The following TCF7L2 variants were observed in gnomAD, a reference collection of about 807,000 sequenced individuals.
TCF7L2 encodes the protein transcription factor 7 like 2.
Under a neutral mutation model 77.9 loss-of-function variants are expected in TCF7L2, and 23 were observed. That is an observed-to-expected ratio of 0.30 (90% CI 0.21 to 0.42). The LOEUF is 0.42. Among genes scored for constraint, TCF7L2 ranks in the 10% least tolerant of loss-of-function variants. TCF7L2 has a pLI of 1.00. For missense variants in TCF7L2, 654 were observed against 793.1 expected (o/e 0.82, Z 2.11); for synonymous variants, 413 against 340.2 (o/e 1.21, Z -2.36).
chr10:112,995,202 G>A lies in TCF7L2; in HGVS notation c.450+30578G>A, dbSNP rs922241337. Among the ~76,000 whole-genome samples, 5 of 152,326 alleles carry A rather than the reference G, an allele frequency of 3.3e-5. No homozygotes were observed. In the East Asian group the frequency reaches 9.6e-4, roughly 29 times the overall value. ...GTAGAGATGGGAACCCAGGCCTCGG[G>A]CCAGTGAGTGGAAGGAAACTTTGGG... On this transcript the variant is annotated intron_variant, in intron 4 of 13. Coordinates refer to ENST00000627217, the MANE Select transcript of TCF7L2 (RefSeq NM_001146274.2).
At chr10:113,074,577 A>C (rs1397686067) in intron 5 of TCF7L2, among the ~76,000 whole-genome samples, 1 of 152,200 alleles carries the variant, frequency 6.6e-6, no homozygotes, top group African/African-American at 2.4e-5. Context: ...CTGCACACTC[A>C]TCACTGCGGG....
At chr10:113,075,285 C>G (rs2058562433) in intron 5 of TCF7L2, among the ~76,000 whole-genome samples, 1 of 151,980 alleles carries the variant, frequency 6.6e-6, no homozygotes, top group East Asian at 1.9e-4. Context: ...ATGGTGAAAC[C>G]CTATCTCTAC....
intron 5 of TCF7L2, among the ~76,000 whole-genome samples, chr10:113,055,890 A>T (rs535169101): frequency 2.0e-5 from 3 of 152,268 alleles, no homozygotes; most frequent in Admixed American, 1.3e-4. Context: ...TTGAGTGGAC[A>T]TCTGCTCTCT....
At chr10:113,160,210 C>CT (rs1191743649) in intron 12 of TCF7L2, among the ~76,000 whole-genome samples, 2 of 151,952 alleles carry the variant, frequency 1.3e-5, no homozygotes, top group Non-Finnish European at 2.9e-5. Context: ...CTCGTGCCTC[C>CT]TCGGGTCAGC....
intron 5 of TCF7L2, among the ~76,000 whole-genome samples, chr10:113,118,077 C>A (rs1451388718): frequency 6.6e-6 from 1 of 151,870 alleles, no homozygotes; most frequent in South Asian, 2.1e-4. Flanking sequence ...CCAACCATTT[C>A]CAGGACTCGC....
intron 5 of TCF7L2, among the ~76,000 whole-genome samples, chr10:113,120,427 T>C (rs1054784790): frequency 6.6e-6 from 1 of 152,186 alleles, no homozygotes; most frequent in African/African-American, 2.4e-5. Flanking sequence ...GGTCCTTCAG[T>C]AGCTTGACAT....
intron 5 of TCF7L2, chr10:113,133,386 C>CA (rs1390169795): frequency 1.3e-5 from 2 of 152,254 alleles, no homozygotes; most frequent in East Asian, 3.9e-4. Context: ...CCAGCCCACC[C>CA]ACCACCTCTC....
chr10:113,165,739 C>A lies in TCF7L2; in HGVS notation c.1576C>A (p.Leu526Met). The A allele has an allele frequency of 1.9e-6, 3 of 1,612,960 alleles. No individual in the cohort carries two copies. The highest frequency in any genetic ancestry group is 2.2e-5 in the South Asian group (2 of 90,890). Residue 526 changes from leucine to methionine, a missense_variant, in exon 14 of 14, where the codon CTG (leucine) becomes ATG (methionine). By Grantham distance (15) the Leu-to-Met change is conservative. Transcript: ENST00000627217. ...GTCGCTGTCCCTGAAGCCCGACCCC[C>A]TGGCCCACCTGTCCATGATGCCTCC...
At position 113,151,701 on chromosome 10, in the gene TCF7L2, T is replaced by C; in HGVS notation, c.1002-24T>C. 1.9e-6 allele frequency: 3 copies of C among 1,565,976 alleles called. No individual in the cohort carries two copies. The highest frequency in any genetic ancestry group is 8.6e-7 in the Non-Finnish European group (1 of 1,163,742). On this transcript the variant is annotated intron_variant, in intron 9 of 13. Transcript: ENST00000627217. This position sits in a 1 kb window ranked among gnomAD's most constrained non-coding sequence, Gnocchi z 5.2. ...TGGACCACGACCTTGTTTATTGGGTTGCGTCTGTTTTGTCTATCTCCAGAA... is the reference window on the plus strand; with the variant it reads ...TGGACCACGACCTTGTTTATTGGGTCGCGTCTGTTTTGTCTATCTCCAGAA...
intron 5 of TCF7L2, among the ~76,000 whole-genome samples, chr10:113,045,698 G>A (rs989044081): frequency 2.6e-5 from 4 of 152,168 alleles, no homozygotes; most frequent in African/African-American, 9.7e-5. Context: ...GGGATATGGG[G>A]TGTGACCCTG....
chr10:113,000,406 C>T lies in TCF7L2; in HGVS notation c.450+35782C>T, dbSNP rs547143301. On this transcript the variant is annotated intron_variant, in intron 4 of 13. Transcript: ENST00000627217. ...CTGCCTGGACTGGGGCTTGAGACCA[C>T]TGTCAAATACAAGTACAGTTGTACA... is the stretch of plus-strand genomic sequence containing the variant. 2.0e-5 allele frequency among the ~76,000 whole-genome samples: 3 copies of T among 152,296 alleles called. No homozygotes were observed. The South Asian group carries it at 6.2e-4, about 32-fold the overall frequency.
intron 5 of TCF7L2, among the ~76,000 whole-genome samples, chr10:113,076,601 G>A (rs1408343547): frequency 6.6e-6 from 1 of 152,182 alleles, no homozygotes; most frequent in Admixed American, 6.5e-5. Context: ...ACCATCTATT[G>A]ACAGTACATC....
intron 4 of TCF7L2, among the ~76,000 whole-genome samples, chr10:113,018,052 T>C (rs1291838012): frequency 2.6e-5 from 4 of 152,148 alleles, no homozygotes; most frequent in Non-Finnish European, 4.4e-5. Flanking sequence ...CAGTGCTGGG[T>C]GCTGGGGGAA....
chr10:113,127,866 C>CT (rs34638595), intron 5 of TCF7L2, among the ~76,000 whole-genome samples: 28,297 of 109,778 alleles, frequency 0.26, 3,636 homozygotes, highest in Non-Finnish European at 0.3. Context: ...TTGCTGCGTC[C>CT]TTTTTTTTTT....
chr10:113,079,942 G>A (rs866192609), intron 5 of TCF7L2, among the ~76,000 whole-genome samples: 1 of 152,054 alleles, frequency 6.6e-6, no homozygotes, highest in South Asian at 2.1e-4. Context: ...ACAAGTGTGA[G>A]CACTGTGCCT....
At chr10:112,971,418 C>T (rs753946504) in intron 4 of TCF7L2, among the ~76,000 whole-genome samples, 17 of 152,132 alleles carry the variant, frequency 1.1e-4, no homozygotes, top group East Asian at 1.9e-4. Flanking sequence ...AAGCGATTCC[C>T]GTGCCTCAGC....
intron 5 of TCF7L2, among the ~76,000 whole-genome samples, chr10:113,133,595 G>T (rs1162770952): frequency 1.3e-5 from 2 of 152,320 alleles, no homozygotes; most frequent in South Asian, 4.1e-4. Context: ...TTGCATGTGT[G>T]TGAGAGAATT....
chr10:113,158,593 G>T lies in TCF7L2; in HGVS notation c.1318+524G>T. The T allele has an allele frequency of 4.0e-6, 6 of 1,496,000 alleles. No individual in the cohort carries two copies. In the South Asian group the frequency reaches 6.9e-5, roughly 17 times the overall value. The allele number at this position is 1,496,000 out of a possible 1,614,324, so 92.7% of individuals were successfully genotyped here. ...CATAGGCAATCTCAGAGGTCCCTTGGAGAAGGCCAGGCTTTTACAAACAAA... is the reference window on the plus strand; with the variant it reads ...CATAGGCAATCTCAGAGGTCCCTTGTAGAAGGCCAGGCTTTTACAAACAAA... On this transcript the variant is annotated intron_variant, in intron 12 of 13. Transcript: ENST00000627217.
At chr10:113,087,858 G>A (rs1302941953) in intron 5 of TCF7L2, among the ~76,000 whole-genome samples, 1 of 152,156 alleles carries the variant, frequency 6.6e-6, no homozygotes, top group Admixed American at 6.5e-5. Flanking sequence ...TAAACTTGAG[G>A]CCCATGGGAA....
Sources: allele counts gnomAD v4.1 joint callset (sites outside exome capture counted in the v4.1 genomes callset), GRCh38; gene constraint gnomAD v4.1.1; non-coding constraint Gnocchi (gnomAD v3.1); transcripts MANE v1.5; gene names NCBI Gene and HGNC (gene_info 2026-07-23, HGNC 2026-07-21).